The following SLC24A3 variants were observed in gnomAD, a reference collection of about 807,000 sequenced individuals.
The protein encoded by SLC24A3 is sodium/potassium/calcium exchanger 3.
Under a neutral mutation model 75.8 loss-of-function variants are expected in SLC24A3, and 28 were observed. The observed-to-expected ratio is 0.37, with a 90% CI of 0.27 to 0.51. The LOEUF is 0.51. Among genes scored for constraint, SLC24A3 ranks in the 20% least tolerant of loss-of-function variants. The pLI is 0.94. For synonymous variants in SLC24A3, 372 were observed against 334.1 expected, an observed-to-expected ratio of 1.11 and a Z score of -1.24; for missense variants, 663 against 847.8, an observed-to-expected ratio of 0.78 and a Z score of 2.71.
intron 6 of SLC24A3, among the ~76,000 whole-genome samples, chr20:19,653,588 G>A (rs2032231909): frequency 6.6e-6 from 1 of 152,196 alleles, no homozygotes; most frequent in South Asian, 2.1e-4. Flanking sequence ...AAAGGCACAG[G>A]TTAGGATTGC....
intron 4 of SLC24A3, 74 bp from the exon 5 acceptor site, chr20:19,584,897 C>G (rs2031273206): frequency 2.9e-6 from 4 of 1,402,880 alleles, no homozygotes; most frequent in Non-Finnish European, 4.0e-6. Flanking sequence ...GGCTTGGACT[C>G]TCGGGTGTCA....
chr20:19,423,040 A>G (rs1986943682), intron 2 of SLC24A3, among the ~76,000 whole-genome samples: 1 of 152,356 alleles, frequency 6.6e-6, no homozygotes, highest in South Asian at 2.1e-4. Flanking sequence ...ACATTTATAA[A>G]TGAACATATT....
At chr20:19,672,282 A>G (rs1296468201) in intron 8 of SLC24A3, among the ~76,000 whole-genome samples, 1 of 152,234 alleles carries the variant, frequency 6.6e-6, no homozygotes, top group Non-Finnish European at 1.5e-5. Flanking sequence ...TTCCTCTCTC[A>G]ATAGTGCATC....
At chr20:19,487,774 A>T (rs985032788) in intron 2 of SLC24A3, among the ~76,000 whole-genome samples, 25 of 152,162 alleles carry the variant, frequency 1.6e-4, no homozygotes, top group Admixed American at 2.0e-4. Context: ...AGCCATAGCT[A>T]CTCCATTCTA....
At chr20:19,310,529 C>A (rs1444220879) in intron 2 of SLC24A3, among the ~76,000 whole-genome samples, 3 of 152,228 alleles carry the variant, frequency 2.0e-5, no homozygotes, top group South Asian at 2.1e-4. Context: ...ACTGTCTATT[C>A]TCTGGTCCAG....
intron 3 of SLC24A3, among the ~76,000 whole-genome samples, chr20:19,564,886 G>A (rs1403784442): frequency 1.3e-5 from 2 of 152,168 alleles, no homozygotes; most frequent in Non-Finnish European, 2.9e-5. Context: ...TCAGCTCACT[G>A]CAACCTTTGC....
chr20:19,431,418 G>A (rs914184966), intron 2 of SLC24A3, among the ~76,000 whole-genome samples: 1 of 152,096 alleles, frequency 6.6e-6, no homozygotes, highest in African/African-American at 2.4e-5. Context: ...TACAGACAAG[G>A]TTCAGCAAGA....
At chr20:19,276,886 C>T (rs1321645259) in intron 1 of SLC24A3, among the ~76,000 whole-genome samples, 1 of 151,630 alleles carries the variant, frequency 6.6e-6, no homozygotes, top group Non-Finnish European at 1.5e-5. Context: ...AGAGCCAGAC[C>T]ATGTCTCTAA....
intron 2 of SLC24A3, among the ~76,000 whole-genome samples, chr20:19,459,745 G>T (rs1238281535): frequency 1.3e-5 from 2 of 152,130 alleles, no homozygotes; most frequent in Non-Finnish European, 2.9e-5. Context: ...TCTCCAGGTG[G>T]CCTGAGAGAG....
intron 6 of SLC24A3, among the ~76,000 whole-genome samples, chr20:19,650,749 C>T (rs1475334465): frequency 6.6e-6 from 1 of 152,160 alleles, no homozygotes; most frequent in Non-Finnish European, 1.5e-5. Context: ...ATAGTTGAGC[C>T]ATTAATACAC....
Position 19,378,282 on chromosome 20 carries a change from G to GT in SLC24A3, c.271+97202dup, listed in dbSNP as rs532076608. Among the ~76,000 whole-genome samples the GT allele has an allele frequency of 4.5e-3, 662 of 146,998 alleles. 2 individuals carry two copies. The highest frequency in any genetic ancestry group is 6.0e-3 in the Non-Finnish European group (409 of 67,718). ...TGCACAGAGCTTGGCCTACGTAGAG[G>GT]TTTTTTTAAAAAAAAAAAATAAAGT... On this transcript the variant is annotated intron_variant, in intron 2 of 16. Coordinates refer to ENST00000328041, the MANE Select transcript of SLC24A3 (RefSeq NM_020689.4).
At chr20:19,639,981 G>A (rs1010880335) in intron 6 of SLC24A3, among the ~76,000 whole-genome samples, 1 of 152,360 alleles carries the variant, frequency 6.6e-6, no homozygotes, top group African/African-American at 2.4e-5. Flanking sequence ...GCCCGCAAGC[G>A]CGGAGCGCAG....
intron 2 of SLC24A3, among the ~76,000 whole-genome samples, chr20:19,441,747 A>G (rs566904311): frequency 1.3e-5 from 2 of 152,222 alleles, no homozygotes; most frequent in Non-Finnish European, 1.5e-5. Context: ...GGTTTGCCAA[A>G]TGCATAATGT....
intron 2 of SLC24A3, among the ~76,000 whole-genome samples, chr20:19,333,468 G>A (rs1346205689): frequency 6.6e-6 from 1 of 152,196 alleles, no homozygotes; most frequent in Non-Finnish European, 1.5e-5. Context: ...AGCGGTGTGG[G>A]AAGAGAAGGG....
intron 2 of SLC24A3, among the ~76,000 whole-genome samples, chr20:19,311,718 G>A (rs73902308): frequency 0.016 from 2,497 of 152,130 alleles, 28 homozygotes; most frequent in African/African-American, 0.02. Flanking sequence ...AAGCCATGAA[G>A]TCAAGATAGC....
intron 2 of SLC24A3, among the ~76,000 whole-genome samples, chr20:19,346,104 TATA>T: frequency 1.5e-5 from 1 of 68,356 alleles, no homozygotes; most frequent in African/African-American, 1.2e-4. Flanking sequence ...TATATATATA[TATA>T]TGGTGTGTGT....
intron 2 of SLC24A3, among the ~76,000 whole-genome samples, chr20:19,361,009 A>G (rs2122340126): frequency 6.6e-6 from 1 of 152,196 alleles, no homozygotes; most frequent in Non-Finnish European, 1.5e-5. Context: ...TTGTATTTTT[A>G]GTAGAGACGG....
chr20:19,225,846 A>C (rs1981854954), intron 1 of SLC24A3, among the ~76,000 whole-genome samples: 2 of 152,176 alleles, frequency 1.3e-5, no homozygotes, highest in Non-Finnish European at 2.9e-5. Context: ...GTTGAAGAAC[A>C]TTTGAGTTGT....
intron 10 of SLC24A3, 80 bp downstream of exon 10, chr20:19,682,071 G>A: frequency 6.8e-7 from 1 of 1,462,184 alleles, no homozygotes; most frequent in African/African-American, 1.4e-5. Flanking sequence ...TGGCCAACAT[G>A]GCAAATCCCC....
Sources: gnomAD v4.1 joint callset for allele counts (sites outside exome capture counted in the v4.1 genomes callset) on GRCh38, gnomAD v4.1.1 for gene constraint, MANE v1.5 for transcripts, NCBI Gene and HGNC (gene_info 2026-07-23, HGNC 2026-07-21) for gene names.